PLEKHH1: variants seen among roughly 807,000 people sequenced by gnomAD.
The protein encoded by PLEKHH1 is pleckstrin homology, MyTH4 and FERM domain containing H1.
Under a neutral mutation model 160.0 loss-of-function variants are expected in PLEKHH1, and 104 were observed. The ratio of observed to expected loss-of-function variants is 0.65; its 90% CI spans 0.55 to 0.76. The LOEUF (loss-of-function observed/expected upper bound fraction) is 0.76, where lower values mean the gene tolerates loss of function less well. Among genes scored for constraint, PLEKHH1 ranks in the 30% least tolerant of loss-of-function variants. PLEKHH1 has a pLI of 0.00. For synonymous variants in PLEKHH1, 619 were observed against 678.4 expected, an observed-to-expected ratio of 0.91 and a Z score of 1.36; for missense variants, 1,427 against 1,724.1, an observed-to-expected ratio of 0.83 and a Z score of 3.05.
At position 67,580,989 on chromosome 14, in the gene PLEKHH1, G is replaced by A. The variant is rs541575886; in HGVS notation, c.3235G>A (p.Gly1079Arg). The change falls in exon 23 of 29, where the codon GGA (glycine) becomes AGA (arginine). Residue 1079 changes from glycine to arginine, a missense_variant. Around this residue, in one of 6 missense-constraint regions of PLEKHH1, gnomAD observed 436 missense variants for 607.5 expected, o/e 0.72. Coordinates refer to ENST00000329153, the MANE Select transcript of PLEKHH1 (RefSeq NM_020715.3). ...ACAAGCCATGAAGGAGCTGCACCCC[G>A]GAAAGTCTGAGGGTGGGACACGCGT... ...WEQAMKELHP[G>R]KSEGGTRVVK... 3.6e-5 allele frequency: 58 copies of A among 1,613,560 alleles called. No homozygotes were observed. Among genetic ancestry groups the A allele is most frequent in the East Asian group, 4.5e-5 (2 of 44,874 alleles).
intron 2 of PLEKHH1, among the ~76,000 whole-genome samples, chr14:67,550,604 G>A (rs753300281): frequency 6.6e-6 from 1 of 152,204 alleles, no homozygotes; most frequent in Non-Finnish European, 1.5e-5. Flanking sequence ...AGAGTGAGAG[G>A]TTCTAGGAAA....
At chr14:67,567,488 C>G (rs1034558308) in intron 7 of PLEKHH1, among the ~76,000 whole-genome samples, 1 of 151,986 alleles carries the variant, frequency 6.6e-6, no homozygotes, top group Non-Finnish European at 1.5e-5. Context: ...CCACTCTGGG[C>G]AGAAATAATC....
At chr14:67,586,346 TTTTC>T (rs1555374109) in intron 28 of PLEKHH1, 1 of 1,439,708 alleles carries the variant, frequency 6.9e-7, no homozygotes, top group Non-Finnish European at 9.3e-7. Context: ...GCTCTTCACT[TTTTC>T]TTTTTTATTC....
chr14:67,584,726 TAAG>T (rs1263559237), intron 26 of PLEKHH1, among the ~76,000 whole-genome samples: 4 of 152,210 alleles, frequency 2.6e-5, no homozygotes, highest in Non-Finnish European at 5.9e-5. Context: ...TTTGAGGTTA[TAAG>T]AAGTGAGAAA....
In PLEKHH1 at chr14:67,587,132, ACC is replaced by A; in HGVS notation, c.3998_3999del (p.Pro1333HisfsTer56). On this transcript the variant is annotated frameshift_variant, in exon 29 of 29. Coordinates refer to ENST00000329153, the MANE Select transcript of PLEKHH1 (RefSeq NM_020715.3). LOFTEE classifies it high-confidence loss of function. Reference sequence around the variant, plus strand: ...ATGAACCATTGCACTACAACTGTGAACCCCCCCACCAACCCACCCGGAGCCTG... The same window carrying A: ...ATGAACCATTGCACTACAACTGTGAACCCCCACCAACCCACCCGGAGCCTG... 6.2e-7 allele frequency: 1 copy of A among 1,613,208 alleles called. No homozygotes were observed. Among genetic ancestry groups the A allele is most frequent in the Non-Finnish European group, 8.5e-7 (1 of 1,179,694 alleles).
In PLEKHH1 at chr14:67,587,931, T is replaced by A. The variant is rs1437583315; in HGVS notation, c.*696T>A. ...CGCTAAACAGGATAGGACTAAAATT[T>A]CCAATTCTCCTACACTCTGTCAGAA... On this transcript the variant is annotated 3_prime_UTR_variant, in exon 29 of 29. Coordinates refer to ENST00000329153, the MANE Select transcript of PLEKHH1 (RefSeq NM_020715.3). The A allele has an allele frequency of 6.5e-6, 1 of 152,702 alleles. No individual in the cohort carries two copies. The highest frequency in any genetic ancestry group is 2.4e-5 in the African/African-American group (1 of 41,440). 9.5% of individuals were successfully genotyped at this position (152,702 alleles called of 1,614,324 possible). A position where few individuals can be genotyped will look rare whatever the true frequency, so the allele number is the denominator to read the frequency against.
At chr14:67,554,443 G>A (rs570426561) in intron 2 of PLEKHH1, among the ~76,000 whole-genome samples, 3 of 152,300 alleles carry the variant, frequency 2.0e-5, no homozygotes, top group African/African-American at 4.8e-5. Flanking sequence ...GTCCAGCCTC[G>A]TGGAAGGCGT....
chr14:67,579,704 C>A lies in PLEKHH1; in HGVS notation c.3028-17C>A. The A allele has an allele frequency of 6.2e-7, 1 of 1,609,850 alleles. No homozygotes were observed. Among genetic ancestry groups the A allele is most frequent in the Non-Finnish European group, 8.5e-7 (1 of 1,178,174 alleles). ...TCAGGAGGTTCACTCAGGGTTGGAA[C>A]TCTTCTCCCGCCTCAGGTGGTTGGT... On this transcript the variant is annotated splice_polypyrimidine_tract_variant and intron_variant, in intron 21 of 28. Coordinates refer to ENST00000329153, the MANE Select transcript of PLEKHH1 (RefSeq NM_020715.3).
intron 7 of PLEKHH1, among the ~76,000 whole-genome samples, chr14:67,563,242 G>A (rs2034926215): frequency 6.6e-6 from 1 of 152,200 alleles, no homozygotes; most frequent in African/African-American, 2.4e-5. Context: ...CACTAGGGTT[G>A]AACTGTTAAC....
Position 67,579,723 on chromosome 14 carries a change from G to T in PLEKHH1, c.3030G>T (p.Val1010=). 6.2e-7 allele frequency: 1 copy of T among 1,612,468 alleles called. No individual in the cohort carries two copies. The highest frequency in any genetic ancestry group is 1.1e-5 in the South Asian group (1 of 90,446). Residue 1010 remains valine (V), a splice_region_variant and synonymous_variant, in exon 22 of 29, where the codon GTG becomes GTT. Coordinates refer to ENST00000329153, the MANE Select transcript of PLEKHH1 (RefSeq NM_020715.3). ...TTGGAACTCTTCTCCCGCCTCAGGT[G>T]GTTGGTTTTGACGGCTCTTCCACGG... ...PVHFTNGTYH[V]VGFDGSSTVD... is the part of the protein sequence containing the mutation.
chr14:67,557,548 T>C, intron 4 of PLEKHH1, 130 bp downstream of exon 4: 1 of 745,278 alleles, frequency 1.3e-6, no homozygotes, highest in Non-Finnish European at 2.1e-6. Context: ...CCTATTCTTT[T>C]ATGTGAAAAT....
intron 5 of PLEKHH1, among the ~76,000 whole-genome samples, chr14:67,561,444 G>A (rs997040859): frequency 3.9e-5 from 6 of 151,968 alleles, no homozygotes; most frequent in Non-Finnish European, 7.4e-5. Context: ...CCAGCTACTC[G>A]GGAGGCTGAG....
chr14:67,567,597 A>G (rs1193568185), intron 7 of PLEKHH1, among the ~76,000 whole-genome samples: 2 of 151,528 alleles, frequency 1.3e-5, no homozygotes, highest in African/African-American at 4.9e-5. Flanking sequence ...ATCCTTCCTC[A>G]CCGCCCCTCT....
chr14:67,588,292 T>A lies in PLEKHH1; in HGVS notation c.*1057T>A, dbSNP rs934868200. ...TGGGCCATCATTTGTTTCCTTCTTC[T>A]TGTAAAAGACCAAGCAAATGCACTC... On this transcript the variant is annotated 3_prime_UTR_variant, in exon 29 of 29. Transcript: ENST00000329153. 1.3e-5 allele frequency: 2 copies of A among 152,586 alleles called. No individual in the cohort carries two copies. The highest frequency in any genetic ancestry group is 2.9e-5 in the Non-Finnish European group (2 of 68,016). The allele number at this position is 152,586 out of a possible 1,614,324, so 9.5% of individuals were successfully genotyped here.
Position 67,573,342 on chromosome 14 carries a change from T to C in PLEKHH1, c.1795T>C (p.Trp599Arg). ...CCAGGTGAAGACGTGGAAGAGGCGCTGGTTTGTCCTGAGACAGGGACAGAT... is the reference window on the plus strand; with the variant it reads ...CCAGGTGAAGACGTGGAAGAGGCGCCGGTTTGTCCTGAGACAGGGACAGAT... ...GSQVKTWKRR[W>R]FVLRQGQIMY... The change falls in exon 12 of 29, where the codon TGG (tryptophan) becomes CGG (arginine). Residue 599 changes from tryptophan (W) to arginine (R), a missense_variant. Trp to Arg is a moderately radical substitution (Grantham distance 101). Transcript: ENST00000329153. This position sits in a 1 kb window ranked among gnomAD's most constrained non-coding sequence, Gnocchi z 4.8. The C allele has an allele frequency of 6.2e-7, 1 of 1,613,656 alleles. No homozygotes were observed. Among genetic ancestry groups the C allele is most frequent in the East Asian group, 2.2e-5 (1 of 44,876 alleles).
chr14:67,573,325 A>C lies in PLEKHH1; in HGVS notation c.1778A>C (p.Lys593Thr). 1 of 1,613,812 alleles carries C rather than the reference A, an allele frequency of 6.2e-7. No homozygotes were observed. The highest frequency in any genetic ancestry group is 1.1e-5 in the South Asian group (1 of 91,076). Residue 593 changes from lysine (K) to threonine (T), a missense_variant, in exon 12 of 29, where the codon AAG becomes ACG. Around this residue, in one of 6 missense-constraint regions of PLEKHH1, gnomAD observed 831 missense variants for 929.2 expected, o/e 0.89. Transcript: ENST00000329153. This position sits in a 1 kb window ranked among gnomAD's most constrained non-coding sequence, Gnocchi z 4.8. ...CTGCTGAAAATGGGGAGCCAGGTGA[A>C]GACGTGGAAGAGGCGCTGGTTTGTC... ...GYLLKMGSQV[K>T]TWKRRWFVLR...
At chr14:67,575,157 C>T (rs1417173673) in intron 14 of PLEKHH1, among the ~76,000 whole-genome samples, 1 of 152,048 alleles carries the variant, frequency 6.6e-6, no homozygotes, top group Non-Finnish European at 1.5e-5. Context: ...ATTGGCCTGG[C>T]TAATCGTTTC....
rs2036258728 is a variant in PLEKHH1 at position 67,588,349 on chromosome 14, G to A, written c.*1114G>A. The A allele has an allele frequency of 6.6e-6, 1 of 152,618 alleles. No homozygotes were observed. Among genetic ancestry groups the A allele is most frequent in the African/African-American group, 2.4e-5 (1 of 41,456 alleles). 9.5% of individuals were successfully genotyped at this position (152,618 alleles called of 1,614,324 possible). Reference sequence around the variant, plus strand: ...TTGCTGCTGTAAGACCACCAAAAATGAGTCAGAAACACAGAAGACTATTTC... The same window carrying A: ...TTGCTGCTGTAAGACCACCAAAAATAAGTCAGAAACACAGAAGACTATTTC... On this transcript the variant is annotated 3_prime_UTR_variant, in exon 29 of 29. Coordinates refer to ENST00000329153, the MANE Select transcript of PLEKHH1 (RefSeq NM_020715.3).
In PLEKHH1 at chr14:67,589,326, T is replaced by C; in HGVS notation, c.*2091T>C. On this transcript the variant is annotated 3_prime_UTR_variant, in exon 29 of 29. Coordinates refer to ENST00000329153, the MANE Select transcript of PLEKHH1 (RefSeq NM_020715.3). ...AAACAAAGGATTCAATATTTGCTTA[T>C]TTATTCTTTGTTAACATGAGAGTCC... 2.0e-6 allele frequency: 2 copies of C among 979,762 alleles called. No individual in the cohort carries two copies. The highest frequency in any genetic ancestry group is 3.5e-5 in the African/African-American group (2 of 57,266). The allele number at this position is 979,762 out of a possible 1,614,324, so 60.7% of individuals were successfully genotyped here. A position where few individuals can be genotyped will look rare whatever the true frequency, so the allele number is the denominator to read the frequency against.
Sources: allele counts gnomAD v4.1 joint callset (sites outside exome capture counted in the v4.1 genomes callset), GRCh38; gene constraint gnomAD v4.1.1; regional missense constraint gnomAD v4.1.1; non-coding constraint Gnocchi (gnomAD v3.1); transcripts MANE v1.5; gene names NCBI Gene and HGNC (gene_info 2026-07-23, HGNC 2026-07-21).